The following INO80C variants were observed in gnomAD, a reference collection of about 807,000 sequenced individuals.
INO80C encodes the protein IES6 homolog.
Under a neutral mutation model 17.7 loss-of-function variants are expected in INO80C, and 17 were observed. The ratio of observed to expected loss-of-function variants is 0.96; its 90% confidence interval spans 0.66 to 1.44. The LOEUF is 1.44. Among genes scored for constraint, INO80C ranks in the 40% most tolerant of loss-of-function variants. INO80C has a pLI of 0.00. For synonymous variants in INO80C, 96 were observed against 95.8 expected (o/e 1.00, Z -0.01); for missense variants, 244 against 245.0 (o/e 1.00, Z 0.03).
In INO80C at chr18:35,468,476, G is replaced by A; in HGVS notation, c.*135C>T. Reference sequence around the variant, plus strand: ...AAAAAAAAAAAACCCTTAAATTAAAGCCAAACATTCTTTCCAAGGCACAGC... The same window carrying A: ...AAAAAAAAAAAACCCTTAAATTAAAACCAAACATTCTTTCCAAGGCACAGC... On this transcript the variant is annotated 3_prime_UTR_variant, in exon 5 of 5. Transcript: ENST00000334598. 2.0e-6 allele frequency: 3 copies of A among 1,473,750 alleles called. No homozygotes were observed. The highest frequency in any genetic ancestry group is 1.8e-6 in the Non-Finnish European group (2 of 1,114,850). The allele number at this position is 1,473,750 out of a possible 1,614,324, so 91.3% of individuals were successfully genotyped here. A position where few individuals can be genotyped will look rare whatever the true frequency, so the allele number is the denominator to read the frequency against.
intron 1 of INO80C, chr18:35,497,208 C>G (rs180829284): frequency 3.0e-5 from 10 of 329,744 alleles, no homozygotes; most frequent in African/African-American, 2.0e-4. Context: ...ATAACCTTAA[C>G]AAGCCCATGA....
intron 1 of INO80C, among the ~76,000 whole-genome samples, chr18:35,480,891 G>A (rs2045799283): frequency 6.6e-6 from 1 of 152,226 alleles, no homozygotes; most frequent in South Asian, 2.1e-4. Flanking sequence ...ATTATCCCCA[G>A]CATACAGAAA....
intron 1 of INO80C, among the ~76,000 whole-genome samples, chr18:35,491,650 A>T (rs2045934131): frequency 6.6e-6 from 1 of 151,960 alleles, no homozygotes; most frequent in African/African-American, 2.4e-5. Context: ...CCTAGCTGAG[A>T]CTCCTGTGTC....
At chr18:35,496,721 G>C (rs2045984686) in intron 1 of INO80C, 1 of 152,190 alleles carries the variant, frequency 6.6e-6, no homozygotes, top group Non-Finnish European at 1.5e-5. Context: ...TTGTAAATTT[G>C]GATGGGGGTT....
chr18:35,487,339 C>G (rs1426344901), intron 1 of INO80C: 1 of 384,874 alleles, frequency 2.6e-6, no homozygotes, highest in Non-Finnish European at 5.1e-6. Flanking sequence ...TACAGACATA[C>G]CTAAGACTGG....
At chr18:35,472,800 A>G (rs2045686161) in intron 4 of INO80C, among the ~76,000 whole-genome samples, 1 of 152,200 alleles carries the variant, frequency 6.6e-6, no homozygotes. Context: ...CTGTTTGATG[A>G]GTCTTTCTCC....
chr18:35,496,360 A>G (rs1411293134), intron 1 of INO80C, among the ~76,000 whole-genome samples: 1 of 152,190 alleles, frequency 6.6e-6, no homozygotes, highest in Non-Finnish European at 1.5e-5. Context: ...TATGTTCCCT[A>G]TTGTCCTGTA....
In INO80C at chr18:35,468,544, G is replaced by GA; in HGVS notation, c.*66dup. On this transcript the variant is annotated 3_prime_UTR_variant, in exon 5 of 5. Transcript: ENST00000334598. ...GACAGCAGAACGAGTTTGTTTCCGT[G>GA]AAACAAAATCATGAGTCCAGAGTCT... 5 of 1,602,600 alleles carry GA rather than the reference G, an allele frequency of 3.1e-6. No individual in the cohort carries two copies. Among genetic ancestry groups the GA allele is most frequent in the Non-Finnish European group, 3.4e-6 (4 of 1,172,106 alleles).
intron 1 of INO80C, among the ~76,000 whole-genome samples, chr18:35,490,609 A>T (rs1331449821): frequency 6.6e-6 from 1 of 152,194 alleles, no homozygotes; most frequent in African/African-American, 2.4e-5. Flanking sequence ...CACTAAAGGG[A>T]AAGGGAAAAT....
chr18:35,479,159 C>T, intron 3 of INO80C, 141 bp downstream of exon 3: 1 of 613,428 alleles, frequency 1.6e-6, no homozygotes, highest in Non-Finnish European at 2.9e-6. Context: ...ACATAATCTG[C>T]CCAGACTGAT....
intron 4 of INO80C, among the ~76,000 whole-genome samples, chr18:35,471,423 C>T (rs897814600): frequency 6.6e-6 from 1 of 152,130 alleles, no homozygotes; most frequent in Non-Finnish European, 1.5e-5. Flanking sequence ...GTTTATATTG[C>T]TTTGCATCTT....
At chr18:35,471,160 T>A (rs1355102955) in intron 4 of INO80C, among the ~76,000 whole-genome samples, 1 of 152,218 alleles carries the variant, frequency 6.6e-6, no homozygotes, top group African/African-American at 2.4e-5. Flanking sequence ...TATGTAACTT[T>A]AAATTATATA....
chr18:35,497,551 C>A, intron 1 of INO80C, 168 bp downstream of exon 1: 2 of 1,415,068 alleles, frequency 1.4e-6, no homozygotes, highest in Non-Finnish European at 1.8e-6. Flanking sequence ...GCCCATGTGT[C>A]CAAACGAAGG....
intron 1 of INO80C, among the ~76,000 whole-genome samples, chr18:35,495,520 A>C (rs1333140907): frequency 6.6e-6 from 1 of 152,168 alleles, no homozygotes; most frequent in African/African-American, 2.4e-5. Flanking sequence ...GCTTGGATAC[A>C]AAAAAGGCCC....
chr18:35,493,595 C>T (rs952096984), intron 1 of INO80C, among the ~76,000 whole-genome samples: 2 of 152,162 alleles, frequency 1.3e-5, no homozygotes, highest in African/African-American at 4.8e-5. Flanking sequence ...TCTCAGAATA[C>T]TTTTAGCTGA....
chr18:35,469,789 T>C (rs865972575), intron 4 of INO80C, among the ~76,000 whole-genome samples: 10 of 152,206 alleles, frequency 6.6e-5, no homozygotes, highest in Admixed American at 4.6e-4. Context: ...GACTGGCTCC[T>C]AGTGCAACGC....
intron 4 of INO80C, 47 bp downstream of exon 4, chr18:35,478,235 G>A: frequency 7.4e-7 from 1 of 1,356,782 alleles, no homozygotes; most frequent in Non-Finnish European, 1.0e-6. Flanking sequence ...AGACATTACT[G>A]TGAAATCTTT....
intron 1 of INO80C, among the ~76,000 whole-genome samples, chr18:35,492,461 A>C (rs554854678): frequency 1.4e-4 from 22 of 152,338 alleles, no homozygotes; most frequent in African/African-American, 5.3e-4. Context: ...ATGATGAAAA[A>C]CTGTATCTAC....
At chr18:35,470,959 G>A (rs1262784988) in intron 4 of INO80C, among the ~76,000 whole-genome samples, 1 of 152,178 alleles carries the variant, frequency 6.6e-6, no homozygotes, top group Non-Finnish European at 1.5e-5. Context: ...CTTGCTGTAG[G>A]GTGACAGGCA....
Sources: allele counts gnomAD v4.1 joint callset (sites outside exome capture counted in the v4.1 genomes callset), GRCh38; gene constraint gnomAD v4.1.1; transcripts MANE v1.5; gene names NCBI Gene and HGNC (gene_info 2026-07-23, HGNC 2026-07-21).